The following MEGF10 variants were observed in gnomAD, a reference collection of about 807,000 sequenced individuals.
MEGF10 encodes multiple epidermal growth factor-like domains protein 10.
A neutral mutation model predicts 147.5 loss-of-function variants in MEGF10; 86 were observed. The ratio of observed to expected loss-of-function variants is 0.58; its 90% CI spans 0.49 to 0.70. The LOEUF is 0.70. MEGF10 is among the 30% of genes least tolerant of loss of function. The pLI is 0.00. For missense variants in MEGF10, 1,329 were observed against 1,487.3 expected (o/e 0.89, Z 1.75); for synonymous variants, 478 against 525.5 (o/e 0.91, Z 1.24).
At chr5:127,363,999 A>G (rs148701659) in intron 4 of MEGF10, among the ~76,000 whole-genome samples, 3 of 152,222 alleles carry the variant, frequency 2.0e-5, no homozygotes, top group Non-Finnish European at 4.4e-5. Flanking sequence ...CTGCAACATT[A>G]TTTCAAAGAT....
chr5:127,344,328 A>C (rs138815081), intron 4 of MEGF10, among the ~76,000 whole-genome samples: 2 of 152,188 alleles, frequency 1.3e-5, no homozygotes, highest in African/African-American at 4.8e-5. Context: ...AGGTATATAC[A>C]TTATCTTATA....
chr5:127,404,756 C>T (rs1225929650), intron 8 of MEGF10, among the ~76,000 whole-genome samples: 1 of 151,922 alleles, frequency 6.6e-6, no homozygotes, highest in Non-Finnish European at 1.5e-5. Context: ...TGTTTTGTCC[C>T]CCAGGCTGGA....
the MEGF10 span, among the ~76,000 whole-genome samples, chr5:127,247,467 G>GAAGAAGAAGAAGAAC: frequency 8.5e-6 from 1 of 117,140 alleles, no homozygotes; most frequent in Non-Finnish European, 1.7e-5. Flanking sequence ...AGAAGAAGAA[G>GAAGAAGAAGAAGAAC]AAGAAGAAGA....
the MEGF10 span, chr5:127,229,778 C>G: frequency 6.6e-6 from 1 of 152,158 alleles, no homozygotes; most frequent in South Asian, 2.1e-4. Flanking sequence ...CCGCCAGGGG[C>G]CCGCAGGCTA....
intron 1 of MEGF10, among the ~76,000 whole-genome samples, chr5:127,303,781 C>T (rs1759885776): frequency 6.6e-6 from 1 of 152,172 alleles, no homozygotes; most frequent in Admixed American, 6.5e-5. Flanking sequence ...GATTTCTTGG[C>T]TTTGAATCCT....
chr5:127,454,695 A>G (rs1472441215), intron 23 of MEGF10, 85 bp downstream of exon 23: 4 of 1,202,472 alleles, frequency 3.3e-6, no homozygotes, highest in Middle Eastern at 2.4e-4. Flanking sequence ...TAAACAAGCT[A>G]GAATGGCAAG....
chr5:127,334,227 T>A (rs770231734), intron 2 of MEGF10, among the ~76,000 whole-genome samples: 2 of 152,110 alleles, frequency 1.3e-5, no homozygotes, highest in Non-Finnish European at 2.9e-5. Context: ...ATTCTGGTAG[T>A]AGGGCTCATT....
the MEGF10 span, among the ~76,000 whole-genome samples, chr5:127,265,860 T>C: frequency 6.6e-6 from 1 of 151,974 alleles, no homozygotes; most frequent in Non-Finnish European, 1.5e-5. Flanking sequence ...TTTTCTCCCA[T>C]TCTGTAGGTT....
chr5:127,262,874 A>G, the MEGF10 span, among the ~76,000 whole-genome samples: 16 of 152,314 alleles, frequency 1.1e-4, no homozygotes, highest in South Asian at 3.3e-3. Flanking sequence ...AGAGATGAGG[A>G]AAATTTTGTT....
At chr5:127,318,423 A>G (rs1760651741) in intron 1 of MEGF10, among the ~76,000 whole-genome samples, 1 of 152,226 alleles carries the variant, frequency 6.6e-6, no homozygotes, top group Admixed American at 6.5e-5. Flanking sequence ...CATCCCTGAT[A>G]GAAGTTTTTG....
rs115461550 is a variant in MEGF10, at chr5:127,309,065, T to C, written c.-19+18009T>C. Among the ~76,000 whole-genome samples the C allele has an allele frequency of 1.3e-3, 203 of 152,164 alleles. 1 individual carries two copies. The highest frequency in any genetic ancestry group is 4.1e-3 in the Admixed American group (63 of 15,298). Reference sequence around the variant, plus strand: ...AGGCTGACACAGGATCACACTGTTGTTATTATGTTTTGCCTCCTTCCACTT... The same window carrying C: ...AGGCTGACACAGGATCACACTGTTGCTATTATGTTTTGCCTCCTTCCACTT... On this transcript the variant is annotated intron_variant, in intron 1 of 24. Coordinates refer to ENST00000503335, the MANE Select transcript of MEGF10 (RefSeq NM_001256545.2).
At chr5:127,353,270 G>A (rs2075993166) in intron 4 of MEGF10, among the ~76,000 whole-genome samples, 2 of 152,224 alleles carry the variant, frequency 1.3e-5, no homozygotes, top group South Asian at 2.1e-4. Flanking sequence ...CAACTATTGA[G>A]GTTGCCCTAG....
At chr5:127,258,287 T>C in the MEGF10 span, among the ~76,000 whole-genome samples, 1 of 152,154 alleles carries the variant, frequency 6.6e-6, no homozygotes, top group Admixed American at 6.5e-5. Flanking sequence ...TTTTAAGAGT[T>C]TGGAATACAA....
intron 4 of MEGF10, among the ~76,000 whole-genome samples, chr5:127,354,766 A>T (rs1762217357): frequency 6.6e-6 from 1 of 152,174 alleles, no homozygotes; most frequent in Non-Finnish European, 1.5e-5. Flanking sequence ...GAAAAAAATT[A>T]CCTTCCTTTG....
intron 23 of MEGF10, 81 bp downstream of exon 23, chr5:127,454,691 A>T (rs770820931): frequency 1.6e-6 from 2 of 1,256,462 alleles, no homozygotes; most frequent in Non-Finnish European, 2.2e-6. Context: ...TTTTTAAACA[A>T]GCTAGAATGG....
At chr5:127,404,996 G>A (rs1031392004) in intron 8 of MEGF10, among the ~76,000 whole-genome samples, 15 of 152,086 alleles carry the variant, frequency 9.9e-5, no homozygotes, top group African/African-American at 3.1e-4. Flanking sequence ...GATTACAGGC[G>A]TTGGAAACAC....
intron 5 of MEGF10, among the ~76,000 whole-genome samples, chr5:127,372,578 C>G (rs1289010866): frequency 1.3e-5 from 2 of 152,230 alleles, no homozygotes; most frequent in Non-Finnish European, 2.9e-5. Context: ...CCTGTCTTCT[C>G]TGGTCTGTGA....
At chr5:127,408,804 A>G (rs1764434799) in intron 8 of MEGF10, among the ~76,000 whole-genome samples, 1 of 152,184 alleles carries the variant, frequency 6.6e-6, no homozygotes. Context: ...GGGCTGGTCC[A>G]AGTGGCTCAT....
At chr5:127,438,632 C>T (rs182183328) in intron 17 of MEGF10, 65 bp downstream of exon 17, 1 of 1,570,078 alleles carries the variant, frequency 6.4e-7, no homozygotes, top group Non-Finnish European at 8.7e-7. Context: ...CAGCCTTACC[C>T]TCCGCATGCG....
Sources: allele counts gnomAD v4.1 joint callset (sites outside exome capture counted in the v4.1 genomes callset), GRCh38; gene constraint gnomAD v4.1.1; transcripts MANE v1.5; gene names NCBI Gene and HGNC (gene_info 2026-07-23, HGNC 2026-07-21).